The following PLEKHH2 variants were observed in gnomAD, a reference collection of about 807,000 sequenced individuals.
The protein encoded by PLEKHH2 is pleckstrin homology, MyTH4 and FERM domain containing H2.
In PLEKHH2, 129 loss-of-function variants were observed where a neutral mutation model predicts 187.9. The ratio of observed to expected loss-of-function variants is 0.69; its 90% CI spans 0.59 to 0.79. The LOEUF (loss-of-function observed/expected upper bound fraction) is 0.79, where lower values mean the gene tolerates loss of function less well. PLEKHH2 is among the 30% of genes least tolerant of loss of function. PLEKHH2 has a pLI of 0.00. For synonymous variants in PLEKHH2, 686 were observed against 605.6 expected, an observed-to-expected ratio of 1.13 and a Z score of -1.95; for missense variants, 2,076 against 1,751.2, an observed-to-expected ratio of 1.19 and a Z score of -3.31.
rs748699834 is a variant in PLEKHH2, at chr2:43,706,349, C to T, written c.1754C>T (p.Thr585Ile). ...TCTGCTGCAACCCTTTCCTATACTA[C>T]ATCAGGACTTTATACATCTCTGATA... ...KNSAATLSYT[T>I]SGLYTSLIYK... is the part of the protein sequence containing the mutation. Residue 585 changes from threonine (T) to isoleucine (I), a missense_variant, in exon 10 of 30, where the codon ACA becomes ATA. Thr to Ile is a moderately conservative substitution (Grantham distance 89). Coordinates refer to ENST00000282406, the MANE Select transcript of PLEKHH2 (RefSeq NM_172069.4). 2.1e-5 allele frequency: 33 copies of T among 1,609,682 alleles called. No individual in the cohort carries two copies. Among genetic ancestry groups the T allele is most frequent in the Non-Finnish European group, 2.8e-5 (33 of 1,176,328 alleles).
intron 7 of PLEKHH2, among the ~76,000 whole-genome samples, chr2:43,699,178 T>A (rs1669233064): frequency 6.6e-6 from 1 of 151,650 alleles, no homozygotes; most frequent in Non-Finnish European, 1.5e-5. Flanking sequence ...CACATTTTGC[T>A]TCTTTTATTA....
chr2:43,728,787 C>T (rs1252046107), intron 17 of PLEKHH2, among the ~76,000 whole-genome samples: 1 of 151,916 alleles, frequency 6.6e-6, no homozygotes, highest in African/African-American at 2.4e-5. Flanking sequence ...GTCTCAAACC[C>T]CTGACCTCAG....
intron 19 of PLEKHH2, among the ~76,000 whole-genome samples, chr2:43,736,736 C>T (rs1487747179): frequency 1.3e-5 from 2 of 151,972 alleles, no homozygotes; most frequent in African/African-American, 4.8e-5. Context: ...GGGAGGCTGA[C>T]GCAGGAGAAT....
chr2:43,683,138 T>A (rs1387141997), intron 3 of PLEKHH2, among the ~76,000 whole-genome samples: 1 of 137,162 alleles, frequency 7.3e-6, no homozygotes, highest in African/African-American at 2.7e-5. Flanking sequence ...TTTATTTATA[T>A]ACCCTTTTTT....
chr2:43,762,860 T>C (rs1008621530), intron 28 of PLEKHH2, among the ~76,000 whole-genome samples: 11 of 152,216 alleles, frequency 7.2e-5, no homozygotes, highest in Admixed American at 7.2e-4. Flanking sequence ...ATGATATCTA[T>C]ATGTGTTCAT....
rs1669349720 is a variant in PLEKHH2, at chr2:43,701,303, G to C, written c.1650+695G>C. ...CAGGCAGCTACTTCTCAAGAGAAAG[G>C]GGAGAGGAAGTTGCCAGGCTCTGCA... On this transcript the variant is annotated intron_variant, in intron 8 of 29. Transcript: ENST00000282406. 2.6e-5 allele frequency among the ~76,000 whole-genome samples: 4 copies of C among 152,264 alleles called. No individual in the cohort carries two copies. In the South Asian group the frequency reaches 8.3e-4, roughly 32 times the overall value.
intron 19 of PLEKHH2, 103 bp from the exon 20 acceptor site, chr2:43,738,238 C>A: frequency 1.0e-6 from 1 of 972,196 alleles, no homozygotes; most frequent in Non-Finnish European, 1.5e-6. Context: ...CCTTTTCCAT[C>A]ATTTTAAACA....
At chr2:43,648,476 T>A (rs1313621638) in intron 2 of PLEKHH2, among the ~76,000 whole-genome samples, 6 of 147,058 alleles carry the variant, frequency 4.1e-5, no homozygotes, top group Non-Finnish European at 7.5e-5. Flanking sequence ...CGTGAGCTGC[T>A]GTGCCCAGCT....
chr2:43,761,906 G>A (rs1672445187), intron 27 of PLEKHH2, among the ~76,000 whole-genome samples: 1 of 152,066 alleles, frequency 6.6e-6, no homozygotes. Context: ...AACTTATCAA[G>A]CATATCAGTA....
chr2:43,692,761 A>T (rs1668874114), intron 4 of PLEKHH2, 98 bp downstream of exon 4: 1 of 1,307,424 alleles, frequency 7.6e-7, no homozygotes. Flanking sequence ...ATATTTGGGG[A>T]GAAATATTGC....
intron 2 of PLEKHH2, 126 bp from the exon 3 acceptor site, chr2:43,678,737 A>AGGGGAG: frequency 2.4e-6 from 1 of 412,116 alleles, no homozygotes; most frequent in Non-Finnish European, 4.7e-6. Flanking sequence ...TAGAGGTGGA[A>AGGGGAG]GTGGAGGTGG....
At chr2:43,669,768 G>A (rs1047638756) in intron 2 of PLEKHH2, among the ~76,000 whole-genome samples, 4 of 151,948 alleles carry the variant, frequency 2.6e-5, no homozygotes, top group African/African-American at 9.7e-5. Context: ...GTGCGGTGAT[G>A]TGATCTCAGT....
intron 2 of PLEKHH2, chr2:43,658,894 G>A (rs1666921535): frequency 6.6e-6 from 1 of 152,122 alleles, no homozygotes; most frequent in Non-Finnish European, 1.5e-5. Flanking sequence ...GACATTTAGA[G>A]GCTGGCTACT....
intron 1 of PLEKHH2, among the ~76,000 whole-genome samples, chr2:43,639,557 T>C (rs557190603): frequency 6.6e-6 from 1 of 152,124 alleles, no homozygotes; most frequent in African/African-American, 2.4e-5. Context: ...TCACTTAGCA[T>C]AATGTTTTCA....
intron 2 of PLEKHH2, among the ~76,000 whole-genome samples, chr2:43,645,215 TA>T (rs1666128075): frequency 6.6e-6 from 1 of 152,198 alleles, no homozygotes; most frequent in South Asian, 2.1e-4. Context: ...CTGTGTTGAC[TA>T]AGTATATATT....
chr2:43,657,206 C>G (rs949122698), intron 2 of PLEKHH2, among the ~76,000 whole-genome samples: 4 of 152,166 alleles, frequency 2.6e-5, no homozygotes, highest in South Asian at 2.1e-4. Flanking sequence ...GGTGCTCGGA[C>G]AGCTGGGTCT....
chr2:43,740,590 G>A (rs1283715099), intron 20 of PLEKHH2, among the ~76,000 whole-genome samples: 1 of 152,118 alleles, frequency 6.6e-6, no homozygotes, highest in Admixed American at 6.5e-5. Flanking sequence ...TCTGCAATCT[G>A]CGTTTCTCAA....
At chr2:43,717,300 C>G (rs1424722036) in intron 15 of PLEKHH2, among the ~76,000 whole-genome samples, 21 of 152,090 alleles carry the variant, frequency 1.4e-4, no homozygotes, top group African/African-American at 5.1e-4. Flanking sequence ...TGCCTGTAAT[C>G]CCAGCTATTC....
intron 24 of PLEKHH2, among the ~76,000 whole-genome samples, chr2:43,753,372 A>G (rs759803482): frequency 3.4e-4 from 51 of 152,196 alleles, no homozygotes; most frequent in African/African-American, 1.2e-3. Context: ...TATTTAGACA[A>G]TTGACATTTA....
Sources: allele counts gnomAD v4.1 joint callset (sites outside exome capture counted in the v4.1 genomes callset), GRCh38; gene constraint gnomAD v4.1.1; transcripts MANE v1.5; gene names NCBI Gene and HGNC (gene_info 2026-07-23, HGNC 2026-07-21).